Variants in UBXN2B observed in about 807,000 individuals in gnomAD.
UBXN2B encodes the protein UBX domain protein 2B.
A neutral mutation model predicts 37.5 loss-of-function variants in UBXN2B; 19 were observed. The ratio of observed to expected loss-of-function variants is 0.51; its 90% CI spans 0.35 to 0.74. The LOEUF (loss-of-function observed/expected upper bound fraction) is 0.74, where lower values mean the gene tolerates loss of function less well. Among genes scored for constraint, UBXN2B ranks in the 30% least tolerant of loss-of-function variants. The pLI, the probability that UBXN2B is intolerant of heterozygous loss-of-function variation, is 0.01. For synonymous variants in UBXN2B, 145 were observed against 143.8 expected (o/e 1.01, Z -0.06); for missense variants, 370 against 393.2 (o/e 0.94, Z 0.50).
At position 58,448,881 on chromosome 8, in the gene UBXN2B, C is replaced by A. The variant is rs1405762338; in HGVS notation, c.*1330C>A. ...GCACAAATTTATTATCTTCACAATT[C>A]TGTAGGTTAGGAGTCCAGGTTAAGA... On this transcript the variant is annotated 3_prime_UTR_variant, in exon 8 of 8. Coordinates refer to ENST00000399598, the MANE Select transcript of UBXN2B (RefSeq NM_001077619.2). 2 of 152,232 alleles carry A rather than the reference C, an allele frequency of 1.3e-5. No individual in the cohort carries two copies. The highest frequency in any genetic ancestry group is 2.9e-5 in the Non-Finnish European group (2 of 68,028). The allele number at this position is 152,232 out of a possible 1,614,324, so 9.4% of individuals were successfully genotyped here. A position where few individuals can be genotyped will look rare whatever the true frequency, so the allele number is the denominator to read the frequency against.
Position 58,448,816 on chromosome 8 carries a change from C to T in UBXN2B, c.*1265C>T, listed in dbSNP as rs1161209854. 2 of 152,450 alleles carry T rather than the reference C, an allele frequency of 1.3e-5. No individual in the cohort carries two copies. The highest frequency in any genetic ancestry group is 2.9e-5 in the Non-Finnish European group (2 of 68,018). 9.4% of individuals were successfully genotyped at this position (152,450 alleles called of 1,614,324 possible). The stretch of plus-strand genomic sequence containing the variant: ...TAATTATTACTTCTGGTTAGTTTTC[C>T]ATTGCCACCATAACAAGTTACAAAA... On this transcript the variant is annotated 3_prime_UTR_variant, in exon 8 of 8. Coordinates refer to ENST00000399598, the MANE Select transcript of UBXN2B (RefSeq NM_001077619.2).
At chr8:58,441,102 C>T (rs1749690023) in intron 6 of UBXN2B, among the ~76,000 whole-genome samples, 1 of 151,582 alleles carries the variant, frequency 6.6e-6, no homozygotes, top group African/African-American at 2.4e-5. Flanking sequence ...AGGCAAGCTT[C>T]CTACCCCACT....
intron 2 of UBXN2B, chr8:58,426,804 G>A: frequency 1.7e-6 from 1 of 594,936 alleles, no homozygotes; most frequent in Non-Finnish European, 3.2e-6. Context: ...GGCGGAGCCA[G>A]CCGACTGTGC....
rs1808091741 is a variant in UBXN2B at position 58,426,424 on chromosome 8, G to A, written c.189-4095G>A. 6 of 597,814 alleles carry A rather than the reference G, an allele frequency of 1.0e-5. No homozygotes were observed. In the Admixed American group the frequency reaches 1.2e-4, roughly 12 times the overall value. 37.0% of individuals were successfully genotyped at this position (597,814 alleles called of 1,614,324 possible). On this transcript the variant is annotated intron_variant, in intron 2 of 7. Transcript: ENST00000399598. ...GGGGTTTCACCATGTTAGCCAGGAT[G>A]GTCTCAATCTCCTGACTTTGTGATC...
intron 2 of UBXN2B, among the ~76,000 whole-genome samples, chr8:58,421,298 A>G (rs34989348): frequency 1.8e-3 from 279 of 151,852 alleles, no homozygotes; most frequent in Non-Finnish European, 2.9e-3. Flanking sequence ...AGAGATGACC[A>G]TAAGTTTCAG....
chr8:58,441,627 A>T (rs980682471), intron 6 of UBXN2B, among the ~76,000 whole-genome samples: 2 of 152,104 alleles, frequency 1.3e-5, no homozygotes, highest in Non-Finnish European at 1.5e-5. Context: ...AGAAGGTAGC[A>T]TAAAGGGAAG....
chr8:58,416,935 CA>C lies in UBXN2B; in HGVS notation c.171del (p.Arg58GlyfsTer17), dbSNP rs1167871341. 1.2e-6 allele frequency: 2 copies of C among 1,605,354 alleles called. No homozygotes were observed. The highest frequency in any genetic ancestry group is 1.3e-5 in the African/African-American group (1 of 74,700). On this transcript the variant is annotated frameshift_variant, in exon 2 of 8. Coordinates refer to ENST00000399598, the MANE Select transcript of UBXN2B (RefSeq NM_001077619.2). LOFTEE classifies it high-confidence loss of function. ...CCTAAAGCCACAGTCTTCAAGAGCCCACGGACACCACCTCAACGGTAAGTTT... is the reference window on the plus strand; with the variant it reads ...CCTAAAGCCACAGTCTTCAAGAGCCCCGGACACCACCTCAACGGTAAGTTT... ...NRPKATVFKS[P>X]RTPPQRFYSS... is the part of the protein sequence containing the mutation.
At chr8:58,426,430 A>C in intron 2 of UBXN2B, 2 of 614,332 alleles carry the variant, frequency 3.3e-6, no homozygotes, top group East Asian at 3.1e-5. Context: ...GGATGGTCTC[A>C]ATCTCCTGAC....
rs754692053 is a variant in UBXN2B, at chr8:58,445,862, A to C, written c.672-45A>C. On this transcript the variant is annotated intron_variant, in intron 6 of 7. Transcript: ENST00000399598. Reference sequence around the variant, plus strand: ...TGTTTATCGCTGTCTTCAGTTTGTCATATATTTTACACATTCAGATTTGTG... The same window carrying C: ...TGTTTATCGCTGTCTTCAGTTTGTCCTATATTTTACACATTCAGATTTGTG... 21 of 1,508,824 alleles carry C rather than the reference A, an allele frequency of 1.4e-5. No individual in the cohort carries two copies. The African/African-American group carries it at 2.5e-4, about 18-fold the overall frequency. 93.5% of individuals were successfully genotyped at this position (1,508,824 alleles called of 1,614,324 possible). A position where few individuals can be genotyped will look rare whatever the true frequency, so the allele number is the denominator to read the frequency against.
chr8:58,427,033 A>G (rs910220395), intron 2 of UBXN2B, among the ~76,000 whole-genome samples: 7 of 152,278 alleles, frequency 4.6e-5, no homozygotes, highest in African/African-American at 1.7e-4. Context: ...ATCCCTTGAT[A>G]AATGTTAGCT....
At chr8:58,425,935 A>G (rs928247737) in intron 2 of UBXN2B, 28 of 1,347,524 alleles carry the variant, frequency 2.1e-5, no homozygotes, top group Non-Finnish European at 2.2e-5. Flanking sequence ...CAAAATCTCC[A>G]AGGTGGCTCT....
At chr8:58,424,536 GGA>G in intron 2 of UBXN2B, 1 of 835,060 alleles carries the variant, frequency 1.2e-6, no homozygotes, top group South Asian at 1.5e-5. Flanking sequence ...ATCTTTTTAG[GGA>G]GAGAGTGAAG....
At chr8:58,445,867 T>A in intron 6 of UBXN2B, 40 bp from the exon 7 acceptor site, 3 of 1,530,574 alleles carry the variant, frequency 2.0e-6, no homozygotes, top group Non-Finnish European at 2.6e-6. Flanking sequence ...TTGTCATATA[T>A]TTTACACATT....
Position 58,449,701 on chromosome 8 carries a change from G to A in UBXN2B, c.*2150G>A, listed in dbSNP as rs1808761474. ...CGAGGCACCCTTCTTTAAGTTTCAA[G>A]GCCTGGGAGTAATCTTCAGCTCACT... On this transcript the variant is annotated 3_prime_UTR_variant, in exon 8 of 8. Coordinates refer to ENST00000399598, the MANE Select transcript of UBXN2B (RefSeq NM_001077619.2). 6.6e-6 allele frequency: 1 copy of A among 152,228 alleles called. No homozygotes were observed. Among genetic ancestry groups the A allele is most frequent in the African/African-American group, 2.4e-5 (1 of 41,442 alleles). 9.4% of individuals were successfully genotyped at this position (152,228 alleles called of 1,614,324 possible).
chr8:58,444,845 G>A (rs1211526074), intron 6 of UBXN2B, among the ~76,000 whole-genome samples: 1 of 152,222 alleles, frequency 6.6e-6, no homozygotes, highest in Non-Finnish European at 1.5e-5. Context: ...GAAAGTGTCA[G>A]CAGTTAGTAC....
At position 58,437,534 on chromosome 8, in the gene UBXN2B, A is replaced by C. The variant is rs150632998; in HGVS notation, c.534-2099A>C. On this transcript the variant is annotated intron_variant, in intron 5 of 7. Transcript: ENST00000399598. The stretch of plus-strand genomic sequence containing the variant: ...AGAGATGGGTTTCACCATCTTGGCC[A>C]GGCTGATCTTGAACCCCTGACCTTA... Among the ~76,000 whole-genome samples the C allele has an allele frequency of 3.9e-3, 588 of 151,928 alleles. 4 individuals carry two copies. The highest frequency in any genetic ancestry group is 0.013 in the African/African-American group (542 of 41,460).
chr8:58,418,958 T>G (rs1238227712), intron 2 of UBXN2B, among the ~76,000 whole-genome samples: 2 of 152,224 alleles, frequency 1.3e-5, no homozygotes, highest in Admixed American at 1.3e-4. Flanking sequence ...ATTACTGTAT[T>G]AATATTTTCC....
rs1184142350 is a variant in UBXN2B at position 58,451,361 on chromosome 8, A to G, written c.*3810A>G. On this transcript the variant is annotated 3_prime_UTR_variant, in exon 8 of 8. Coordinates refer to ENST00000399598, the MANE Select transcript of UBXN2B (RefSeq NM_001077619.2). ...ATGAATTATTTTTACTACTGCAGTC[A>G]TCTTAAATTTATAATCATCTCAAAA... 6.6e-6 allele frequency: 1 copy of G among 152,202 alleles called. No individual in the cohort carries two copies. The highest frequency in any genetic ancestry group is 1.5e-5 in the Non-Finnish European group (1 of 68,040). 9.4% of individuals were successfully genotyped at this position (152,202 alleles called of 1,614,324 possible). A position where few individuals can be genotyped will look rare whatever the true frequency, so the allele number is the denominator to read the frequency against.
At position 58,449,861 on chromosome 8, in the gene UBXN2B, G is replaced by A. The variant is rs1477062421; in HGVS notation, c.*2310G>A. 6.6e-6 allele frequency: 1 copy of A among 152,190 alleles called. No individual in the cohort carries two copies. Among genetic ancestry groups the A allele is most frequent in the African/African-American group, 2.4e-5 (1 of 41,436 alleles). 9.4% of individuals were successfully genotyped at this position (152,190 alleles called of 1,614,324 possible). A position where few individuals can be genotyped will look rare whatever the true frequency, so the allele number is the denominator to read the frequency against. On this transcript the variant is annotated 3_prime_UTR_variant, in exon 8 of 8. Transcript: ENST00000399598. ...TCTCTAAAGCTTTCTGTTAAAAATG[G>A]TGGTGCTTCTGCTGCTATAACGTTG...
Sources: gnomAD v4.1 joint callset for allele counts (sites outside exome capture counted in the v4.1 genomes callset) on GRCh38, gnomAD v4.1.1 for gene constraint, MANE v1.5 for transcripts, NCBI Gene and HGNC (gene_info 2026-07-23, HGNC 2026-07-21) for gene names.